Variants in PARD3B observed in about 807,000 individuals in gnomAD.
PARD3B encodes partitioning defective 3 homolog B.
Under a neutral mutation model 130.2 loss-of-function variants are expected in PARD3B, and 103 were observed. The ratio of observed to expected loss-of-function variants is 0.79; its 90% CI spans 0.67 to 0.93. The LOEUF is 0.93. Ranked by LOEUF, PARD3B falls within the 40% of genes least tolerant of loss-of-function variation. The probability of loss-of-function intolerance (pLI) is 0.00; values close to 1 mark genes in which losing one functional copy is unlikely to be tolerated. For synonymous variants in PARD3B, 583 were observed against 553.2 expected (o/e 1.05, Z -0.76); for missense variants, 1,609 against 1,499.2 (o/e 1.07, Z -1.21).
At chr2:204,560,942 C>T (rs1198107665) in intron 1 of PARD3B, among the ~76,000 whole-genome samples, 1 of 151,988 alleles carries the variant, frequency 6.6e-6, no homozygotes, top group Admixed American at 6.6e-5. Context: ...GGGGTTGACT[C>T]TCAGTGGGAA....
chr2:205,105,552 G>A lies in PARD3B; in HGVS notation c.593+1038G>A, dbSNP rs1703139760. 6.6e-6 allele frequency among the ~76,000 whole-genome samples: 1 copy of A among 152,128 alleles called. No homozygotes were observed. ...ATCATCCTTTGTCATGTGCTTTACTGTATGGATTCTCCTCAAACTTATTTA... is the reference window on the plus strand; with the variant it reads ...ATCATCCTTTGTCATGTGCTTTACTATATGGATTCTCCTCAAACTTATTTA... On this transcript the variant is annotated intron_variant, in intron 5 of 22. Transcript: ENST00000406610. The surrounding 1 kb of genome is among the most constrained non-coding windows in gnomAD (Gnocchi z 4.0).
At chr2:205,481,429 G>A (rs1329342297) in intron 20 of PARD3B, among the ~76,000 whole-genome samples, 5 of 152,116 alleles carry the variant, frequency 3.3e-5, no homozygotes, top group Non-Finnish European at 4.4e-5. Context: ...AGGCTAATGT[G>A]GGAATGTATT....
chr2:205,189,882 A>G (rs2036299781), intron 14 of PARD3B, among the ~76,000 whole-genome samples: 1 of 152,044 alleles, frequency 6.6e-6, no homozygotes, highest in Non-Finnish European at 1.5e-5. Flanking sequence ...GGGCCCTTTT[A>G]TGAAACGTTT....
intron 2 of PARD3B, among the ~76,000 whole-genome samples, chr2:204,873,643 A>G (rs1230486521): frequency 1.3e-5 from 2 of 152,212 alleles, no homozygotes; most frequent in Non-Finnish European, 2.9e-5. Context: ...ACATGAAATT[A>G]CAATGTGGTA....
intron 2 of PARD3B, among the ~76,000 whole-genome samples, chr2:204,852,774 CTGAG>C (rs1203410263): frequency 6.6e-6 from 1 of 152,060 alleles, no homozygotes; most frequent in Non-Finnish European, 1.5e-5. Flanking sequence ...GTTTTAAAGG[CTGAG>C]TAACTCAGCT....
intron 1 of PARD3B, among the ~76,000 whole-genome samples, chr2:204,571,546 A>C (rs1014485841): frequency 1.3e-5 from 2 of 152,204 alleles, no homozygotes; most frequent in African/African-American, 2.4e-5. Flanking sequence ...CCTTCCCATA[A>C]GTAGGGTTAA....
intron 4 of PARD3B, among the ~76,000 whole-genome samples, chr2:205,051,462 C>T (rs1308920677): frequency 6.6e-6 from 1 of 152,038 alleles, no homozygotes; most frequent in Non-Finnish European, 1.5e-5. Context: ...TCAGTCATTC[C>T]CAAGAAATGA....
chr2:204,955,819 A>G (rs578138937), intron 2 of PARD3B, among the ~76,000 whole-genome samples: 30 of 152,216 alleles, frequency 2.0e-4, no homozygotes, highest in Non-Finnish European at 3.7e-4. Flanking sequence ...CTGTTGACAT[A>G]TAGGTAGGGA....
intron 16 of PARD3B, among the ~76,000 whole-genome samples, chr2:205,275,651 C>T (rs576208558): frequency 1.3e-5 from 2 of 152,020 alleles, no homozygotes; most frequent in South Asian, 4.2e-4. Context: ...GCCTTACCAA[C>T]ATGGTGAAAC....
intron 2 of PARD3B, among the ~76,000 whole-genome samples, chr2:204,833,351 T>C (rs2125571877): frequency 6.6e-6 from 1 of 152,288 alleles, no homozygotes; most frequent in African/African-American, 2.4e-5. Context: ...ATTTCTTGAC[T>C]GTTAACACAG....
At chr2:205,006,895 T>A (rs1433720338) in intron 3 of PARD3B, among the ~76,000 whole-genome samples, 8 of 152,214 alleles carry the variant, frequency 5.3e-5, no homozygotes, top group Non-Finnish European at 1.0e-4. Flanking sequence ...TCTAAACCAA[T>A]GTCCAGAAGC....
intron 4 of PARD3B, among the ~76,000 whole-genome samples, chr2:205,052,452 A>ATATATATATATATATATATATATAT: frequency 4.9e-5 from 1 of 20,530 alleles, no homozygotes; most frequent in East Asian, 1.7e-3. Flanking sequence ...TATATATATA[A>ATATATATATATATATATATATATAT]AATTAAAAAA....
chr2:205,194,343 G>T (rs1039952678), intron 15 of PARD3B, among the ~76,000 whole-genome samples: 5 of 152,110 alleles, frequency 3.3e-5, no homozygotes, highest in African/African-American at 7.2e-5. Context: ...TAAATGACTG[G>T]GATGCATTTG....
At chr2:204,773,769 G>C (rs915898140) in intron 2 of PARD3B, among the ~76,000 whole-genome samples, 3 of 151,882 alleles carry the variant, frequency 2.0e-5, no homozygotes, top group Non-Finnish European at 2.9e-5. Flanking sequence ...TAACCTCTCT[G>C]ATCTCCTTTC....
At chr2:204,569,668 G>A (rs577940864) in intron 1 of PARD3B, among the ~76,000 whole-genome samples, 1 of 152,178 alleles carries the variant, frequency 6.6e-6, no homozygotes, top group African/African-American at 2.4e-5. Flanking sequence ...TTGTTTGAGA[G>A]AAATTTTAGA....
chr2:204,880,918 G>T (rs1423821434), intron 2 of PARD3B, among the ~76,000 whole-genome samples: 1 of 152,064 alleles, frequency 6.6e-6, no homozygotes, highest in Non-Finnish European at 1.5e-5. Context: ...ATGTCTCTTG[G>T]CATCTTGAAT....
Position 205,176,916 on chromosome 2 carries a change from A to C in PARD3B, c.1924+339A>C, listed in dbSNP as rs2035505365. ...TGGAAGTTACCAAGTATAAATAAAT[A>C]ACTACCAAAATTTAAAAATGTATGG... On this transcript the variant is annotated intron_variant, in intron 13 of 22. Transcript: ENST00000406610. The surrounding 1 kb of genome is among the most constrained non-coding windows in gnomAD (Gnocchi z 5.3). 6.6e-6 allele frequency among the ~76,000 whole-genome samples: 1 copy of C among 152,210 alleles called. No individual in the cohort carries two copies. Among genetic ancestry groups the C allele is most frequent in the Admixed American group, 6.5e-5 (1 of 15,284 alleles).
rs1412121057 is a variant in PARD3B, at chr2:205,253,502, C to A, written c.2185+7680C>A. ...CAAACTTGGCGGGCACTGGAAGTAC[C>A]TGGGGAAGCAGGAGAGACTCACACT... On this transcript the variant is annotated intron_variant, in intron 16 of 22. Transcript: ENST00000406610. The surrounding 1 kb of genome is among the most constrained non-coding windows in gnomAD (Gnocchi z 4.4). 1.8e-6 allele frequency: 1 copy of A among 554,850 alleles called. No individual in the cohort carries two copies. The highest frequency in any genetic ancestry group is 1.9e-5 in the African/African-American group (1 of 52,708). The allele number at this position is 554,850 out of a possible 1,614,324, so 34.4% of individuals were successfully genotyped here.
chr2:205,278,285 G>A (rs886239608), intron 16 of PARD3B, among the ~76,000 whole-genome samples: 12 of 152,134 alleles, frequency 7.9e-5, no homozygotes, highest in African/African-American at 2.9e-4. Context: ...ATAAAAGAAA[G>A]AAAAGGATAG....
Sources: allele counts gnomAD v4.1 joint callset (sites outside exome capture counted in the v4.1 genomes callset), GRCh38; gene constraint gnomAD v4.1.1; non-coding constraint Gnocchi (gnomAD v3.1); transcripts MANE v1.5; gene names NCBI Gene and HGNC (gene_info 2026-07-23, HGNC 2026-07-21).